GJA1: variants seen among roughly 807,000 people sequenced by gnomAD.
The protein encoded by GJA1 is gap junction protein alpha 1.
A neutral mutation model predicts 31.0 loss-of-function variants in GJA1; 9 were observed. That is an observed-to-expected ratio of 0.29 (90% CI 0.17 to 0.51). The LOEUF (loss-of-function observed/expected upper bound fraction) is 0.51, where lower values mean the gene tolerates loss of function less well. Ranked by LOEUF, GJA1 falls within the 20% of genes least tolerant of loss-of-function variation. The pLI is 0.98. For missense variants in GJA1, 278 were observed against 468.8 expected, an observed-to-expected ratio of 0.59 and a Z score of 3.76; for synonymous variants, 186 against 180.1, an observed-to-expected ratio of 1.03 and a Z score of -0.26.
At chr6:121,445,569 A>C (rs1773873256) in intron 1 of GJA1, among the ~76,000 whole-genome samples, 1 of 132,134 alleles carries the variant, frequency 7.6e-6, no homozygotes, top group African/African-American at 2.6e-5. Context: ...GGAACTTTAA[A>C]GTATATAACA....
At chr6:121,446,728 C>A (rs1024094120) in intron 1 of GJA1, 104 bp from the exon 2 acceptor site, 2 of 827,852 alleles carry the variant, frequency 2.4e-6, no homozygotes, top group East Asian at 2.4e-5. Flanking sequence ...GTTAGAAATA[C>A]GTGAAACCGT....
At position 121,447,828 on chromosome 6, in the gene GJA1, C is replaced by A; in HGVS notation, c.981C>A (p.Ile327=). The part of the protein sequence containing the change: ...QNRMGQAGST[I]SNSHAQPFDF... ...GAATGGGGCAGGCGGGAAGCACCATCTCTAACTCCCATGCACAGCCTTTTG... is the reference window on the plus strand; with the variant it reads ...GAATGGGGCAGGCGGGAAGCACCATATCTAACTCCCATGCACAGCCTTTTG... Residue 327 remains isoleucine (I), a synonymous_variant, in exon 2 of 2, where the codon ATC becomes ATA. Coordinates refer to ENST00000282561, the MANE Select transcript of GJA1 (RefSeq NM_000165.5). 6.2e-7 allele frequency: 1 copy of A among 1,613,898 alleles called. No individual in the cohort carries two copies. The highest frequency in any genetic ancestry group is 1.3e-5 in the African/African-American group (1 of 75,012).
rs971068692 is a variant in GJA1 at position 121,448,671 on chromosome 6, A to G, written c.*675A>G. ...CATCCACTTGCACAATATCATTACC[A>G]TCACTTTTTCATCATTCCTCAGCTA... On this transcript the variant is annotated 3_prime_UTR_variant, in exon 2 of 2. Coordinates refer to ENST00000282561, the MANE Select transcript of GJA1 (RefSeq NM_000165.5). The G allele has an allele frequency of 6.0e-6, 1 of 167,426 alleles. No individual in the cohort carries two copies. The highest frequency in any genetic ancestry group is 1.5e-5 in the Non-Finnish European group (1 of 68,468). 10.4% of individuals were successfully genotyped at this position (167,426 alleles called of 1,614,324 possible).
intron 1 of GJA1, among the ~76,000 whole-genome samples, chr6:121,437,095 G>T (rs1261887398): frequency 6.6e-6 from 1 of 152,218 alleles, no homozygotes; most frequent in Non-Finnish European, 1.5e-5. Flanking sequence ...CCGGACGGGC[G>T]CGGGGCGCCT....
At chr6:121,438,577 C>T (rs1012171138) in intron 1 of GJA1, among the ~76,000 whole-genome samples, 1 of 152,188 alleles carries the variant, frequency 6.6e-6, no homozygotes, top group African/African-American at 2.4e-5. Context: ...AATGATAGGA[C>T]AGTCACCAGT....
At chr6:121,444,099 T>C (rs2114278940) in intron 1 of GJA1, among the ~76,000 whole-genome samples, 1 of 152,252 alleles carries the variant, frequency 6.6e-6, no homozygotes, top group African/African-American at 2.4e-5. Flanking sequence ...TCTCTCACCA[T>C]CAAACTGTCC....
intron 1 of GJA1, among the ~76,000 whole-genome samples, chr6:121,443,278 T>A (rs1773828197): frequency 6.6e-6 from 1 of 152,230 alleles, no homozygotes; most frequent in South Asian, 2.1e-4. Flanking sequence ...CAATTTTTGT[T>A]ACCTGTTTTT....
chr6:121,441,427 T>A (rs1187571247), intron 1 of GJA1, among the ~76,000 whole-genome samples: 1 of 152,070 alleles, frequency 6.6e-6, no homozygotes, highest in East Asian at 1.9e-4. Context: ...CAAAGCAAAC[T>A]CCCTCGTATT....
chr6:121,436,756 C>A (rs901627316), intron 1 of GJA1, among the ~76,000 whole-genome samples: 1 of 152,170 alleles, frequency 6.6e-6, no homozygotes, highest in African/African-American at 2.4e-5. Context: ...CGCCAACACC[C>A]GCCGCCCCGC....
chr6:121,444,329 C>T (rs530400773), intron 1 of GJA1, among the ~76,000 whole-genome samples: 5 of 152,276 alleles, frequency 3.3e-5, no homozygotes, highest in African/African-American at 1.2e-4. Flanking sequence ...AGTGTTATTT[C>T]TGTGGCCTTC....
At chr6:121,437,164 G>T (rs1361112827) in intron 1 of GJA1, among the ~76,000 whole-genome samples, 5 of 152,154 alleles carry the variant, frequency 3.3e-5, no homozygotes, top group Admixed American at 2.6e-4. Context: ...GAACCAGCTC[G>T]GTCTTGGGAC....
At chr6:121,446,682 C>T (rs903705698) in intron 1 of GJA1, 150 bp from the exon 2 acceptor site, 11 of 688,192 alleles carry the variant, frequency 1.6e-5, no homozygotes, top group Non-Finnish European at 2.9e-5. Context: ...AAAAATGGGA[C>T]AGGAAGAGTT....
At chr6:121,445,292 C>G (rs1424346841) in intron 1 of GJA1, among the ~76,000 whole-genome samples, 1 of 152,100 alleles carries the variant, frequency 6.6e-6, no homozygotes, top group East Asian at 1.9e-4. Flanking sequence ...ACTACAGGCT[C>G]CCACCACCAC....
chr6:121,436,247 G>C (rs1327232920), intron 1 of GJA1, among the ~76,000 whole-genome samples: 1 of 147,150 alleles, frequency 6.8e-6, no homozygotes, highest in East Asian at 2.0e-4. Context: ...AAAAATCAAA[G>C]TGCAAATTTG....
intron 1 of GJA1, among the ~76,000 whole-genome samples, chr6:121,442,277 A>G (rs1490799164): frequency 2.0e-5 from 3 of 152,224 alleles, no homozygotes; most frequent in Non-Finnish European, 4.4e-5. Context: ...TCTAATAACT[A>G]TTAGTATATT....
chr6:121,443,934 A>T (rs986571270), intron 1 of GJA1, among the ~76,000 whole-genome samples: 1 of 152,256 alleles, frequency 6.6e-6, no homozygotes, highest in Admixed American at 6.5e-5. Flanking sequence ...AATTTTTTAC[A>T]AACAGAATTA....
chr6:121,445,238 C>T (rs1042600099), intron 1 of GJA1, among the ~76,000 whole-genome samples: 1 of 152,172 alleles, frequency 6.6e-6, no homozygotes, highest in African/African-American at 2.4e-5. Context: ...CTCCGCCTCC[C>T]GGGTTCAAGC....
At chr6:121,446,702 T>A in intron 1 of GJA1, 130 bp from the exon 2 acceptor site, 2 of 754,616 alleles carry the variant, frequency 2.7e-6, no homozygotes, top group Non-Finnish European at 4.7e-6. Context: ...TTGCACTTGG[T>A]TTTTTGTGAA....
At chr6:121,442,804 C>T (rs193101695) in intron 1 of GJA1, among the ~76,000 whole-genome samples, 109 of 152,284 alleles carry the variant, frequency 7.2e-4, no homozygotes, top group African/African-American at 2.5e-3. Flanking sequence ...GGGCATCCAT[C>T]CAGTCTAGGG....
Sources: allele counts gnomAD v4.1 joint callset (sites outside exome capture counted in the v4.1 genomes callset), GRCh38; gene constraint gnomAD v4.1.1; transcripts MANE v1.5; gene names NCBI Gene and HGNC (gene_info 2026-07-23, HGNC 2026-07-21).